ARNT2: variants seen among roughly 807,000 people sequenced by gnomAD.
ARNT2 encodes the protein ARNT protein 2.
A neutral mutation model predicts 91.7 loss-of-function variants in ARNT2; 36 were observed. That is an observed-to-expected ratio of 0.39 (90% CI 0.30 to 0.52). The LOEUF is 0.52. Among genes scored for constraint, ARNT2 ranks in the 20% least tolerant of loss-of-function variants. ARNT2 has a pLI of 0.72. For synonymous variants in ARNT2, 365 were observed against 347.1 expected, an observed-to-expected ratio of 1.05 and a Z score of -0.57; for missense variants, 775 against 939.3, an observed-to-expected ratio of 0.83 and a Z score of 2.29.
chr15:80,480,115 G>A (rs568942275), intron 5 of ARNT2, among the ~76,000 whole-genome samples: 1 of 152,258 alleles, frequency 6.6e-6, no homozygotes, highest in African/African-American at 2.4e-5. Context: ...GAAGAAGATG[G>A]AGCATGGAGG....
chr15:80,580,734 G>A (rs531857374), intron 16 of ARNT2, among the ~76,000 whole-genome samples, 185 bp downstream of exon 16: 1 of 152,196 alleles, frequency 6.6e-6, no homozygotes, highest in Non-Finnish European at 1.5e-5. Flanking sequence ...CAGGTGCCCA[G>A]CCTGCAACTT....
chr15:80,579,411 T>C (rs1898750832), intron 15 of ARNT2, among the ~76,000 whole-genome samples: 1 of 152,194 alleles, frequency 6.6e-6, no homozygotes, highest in African/African-American at 2.4e-5. Context: ...ATTCTTGGTT[T>C]CTCCCTATTT....
intron 8 of ARNT2, among the ~76,000 whole-genome samples, chr15:80,532,610 G>A (rs1897757303): frequency 6.6e-6 from 1 of 152,216 alleles, no homozygotes; most frequent in African/African-American, 2.4e-5. Flanking sequence ...GGCCCTGTGA[G>A]TGGCCAGCAT....
At chr15:80,526,252 A>G (rs1897638758) in intron 8 of ARNT2, among the ~76,000 whole-genome samples, 1 of 152,356 alleles carries the variant, frequency 6.6e-6, no homozygotes, top group South Asian at 2.1e-4. Flanking sequence ...TTCTAAAGTC[A>G]ATCAGCTCCC....
At chr15:80,534,856 C>T (rs574811414) in intron 8 of ARNT2, among the ~76,000 whole-genome samples, 82 of 152,310 alleles carry the variant, frequency 5.4e-4, no homozygotes, top group South Asian at 2.1e-3. Context: ...GGTAGTTACC[C>T]TGCCGAACAG....
In ARNT2 at chr15:80,569,912, T is replaced by C. The variant is rs150508516; in HGVS notation, c.1317-4236T>C. The stretch of plus-strand genomic sequence containing the variant: ...AGTGGTCCCTGTCCTGTCTCTGAGA[T>C]TCTGGGCCTGGGCCAGAGAATGGTT... On this transcript the variant is annotated intron_variant, in intron 12 of 18. Transcript: ENST00000303329. 2.4e-3 allele frequency among the ~76,000 whole-genome samples: 369 copies of C among 152,370 alleles called. 2 individuals are homozygous for C. Among genetic ancestry groups the C allele is most frequent in the African/African-American group, 7.6e-3 (317 of 41,584 alleles).
chr15:80,497,566 C>A (rs1825761015), intron 5 of ARNT2, among the ~76,000 whole-genome samples: 2 of 152,214 alleles, frequency 1.3e-5, no homozygotes, highest in Non-Finnish European at 2.9e-5. Flanking sequence ...AGGCCCTCAG[C>A]AGAGAACCTG....
chr15:80,499,637 G>A (rs1405285391), intron 5 of ARNT2, among the ~76,000 whole-genome samples: 3 of 152,230 alleles, frequency 2.0e-5, no homozygotes, highest in Non-Finnish European at 4.4e-5. Context: ...AGGTGGCAAA[G>A]GTCACATTTT....
At chr15:80,472,253 G>A (rs1304747106) in intron 4 of ARNT2, among the ~76,000 whole-genome samples, 1 of 152,126 alleles carries the variant, frequency 6.6e-6, no homozygotes, top group Non-Finnish European at 1.5e-5. Flanking sequence ...TAGAGTGGAA[G>A]TGTCCTGGTA....
intron 5 of ARNT2, among the ~76,000 whole-genome samples, chr15:80,490,503 G>A (rs1007232106): frequency 3.3e-5 from 5 of 152,248 alleles, no homozygotes; most frequent in Admixed American, 6.5e-5. Flanking sequence ...TGAAGCCCAC[G>A]GAAGAAAGCC....
chr15:80,577,074 T>A, intron 15 of ARNT2, 109 bp downstream of exon 15: 2 of 1,094,790 alleles, frequency 1.8e-6, no homozygotes, highest in Non-Finnish European at 2.7e-6. Context: ...TAGTGGTTAC[T>A]GGCGCTCAGG....
chr15:80,473,130 A>G (rs1007075630), intron 4 of ARNT2, among the ~76,000 whole-genome samples: 1 of 152,192 alleles, frequency 6.6e-6, no homozygotes, highest in Non-Finnish European at 1.5e-5. Context: ...ACTGAAAAAC[A>G]TTGCTGAGGG....
At chr15:80,577,573 C>G (rs962893322) in intron 15 of ARNT2, among the ~76,000 whole-genome samples, 17 of 152,194 alleles carry the variant, frequency 1.1e-4, no homozygotes, top group African/African-American at 3.9e-4. Flanking sequence ...GCTGGCAGCT[C>G]TTGGGGAGGG....
At chr15:80,474,800 G>GAA (rs1896776582) in intron 4 of ARNT2, among the ~76,000 whole-genome samples, 2 of 146,252 alleles carry the variant, frequency 1.4e-5, no homozygotes. Flanking sequence ...TGGGCTAACC[G>GAA]TGTTTACAGT....
chr15:80,548,194 G>A (rs1172284265), intron 8 of ARNT2, among the ~76,000 whole-genome samples: 8 of 152,138 alleles, frequency 5.3e-5, no homozygotes, highest in Admixed American at 5.2e-4. Context: ...GTGCAGAGCA[G>A]ATATTAGAAT....
chr15:80,545,727 G>A (rs1279202151), intron 8 of ARNT2, among the ~76,000 whole-genome samples: 2 of 152,190 alleles, frequency 1.3e-5, no homozygotes, highest in Admixed American at 6.5e-5. Context: ...AAATGTTAAT[G>A]AGTCCCATCA....
At position 80,555,095 on chromosome 15, in the gene ARNT2, T is replaced by G; in HGVS notation, c.1120T>G (p.Cys374Gly). Reference protein sequence around the residue: ...DLLGKDILEFCHPEDQSHLRE... With the variant: ...DLLGKDILEFGHPEDQSHLRE... ...TCTGGGAAAGGACATTTTGGAATTCTGCCACCCTGAGGATCAAAGCCATCT... is the reference window on the plus strand; with the variant it reads ...TCTGGGAAAGGACATTTTGGAATTCGGCCACCCTGAGGATCAAAGCCATCT... The change falls in exon 11 of 19, where the codon TGC becomes GGC. Residue 374 changes from cysteine (C) to glycine (G), a missense_variant. Coordinates refer to ENST00000303329, the MANE Select transcript of ARNT2 (RefSeq NM_014862.4). 1 of 1,614,254 alleles carries G rather than the reference T, an allele frequency of 6.2e-7. No homozygotes were observed. The highest frequency in any genetic ancestry group is 8.5e-7 in the Non-Finnish European group (1 of 1,180,046).
chr15:80,548,607 A>C (rs564542546), intron 8 of ARNT2, among the ~76,000 whole-genome samples: 1 of 152,248 alleles, frequency 6.6e-6, no homozygotes, highest in African/African-American at 2.4e-5. Flanking sequence ...CATATACATA[A>C]ACAATAAACA....
In ARNT2 at chr15:80,552,667, A is replaced by G. The variant is rs374719227; in HGVS notation, c.982A>G (p.Met328Val). 7 of 1,614,066 alleles carry G rather than the reference A, an allele frequency of 4.3e-6. No individual in the cohort carries two copies. In the African/African-American group the frequency reaches 6.7e-5, roughly 15 times the overall value. ...QVTSSPVCMD[M>V]NGMSVPTEFL... Reference sequence around the variant, plus strand: ...GACCAGCTCTCCTGTATGCATGGACATGAATGGGATGTCGGTGCCCACAGA... The same window carrying G: ...GACCAGCTCTCCTGTATGCATGGACGTGAATGGGATGTCGGTGCCCACAGA... The change falls in exon 10 of 19, where the codon ATG (methionine) becomes GTG (valine). Residue 328 changes from methionine (M) to valine (V), a missense_variant. Coordinates refer to ENST00000303329, the MANE Select transcript of ARNT2 (RefSeq NM_014862.4).
Sources: allele counts gnomAD v4.1 joint callset (sites outside exome capture counted in the v4.1 genomes callset), GRCh38; gene constraint gnomAD v4.1.1; transcripts MANE v1.5; gene names NCBI Gene and HGNC (gene_info 2026-07-23, HGNC 2026-07-21).